NEMP2: variants seen among roughly 807,000 people sequenced by gnomAD.
NEMP2 encodes UPF0571 transmembrane protein.
Under a neutral mutation model 54.2 loss-of-function variants are expected in NEMP2, and 53 were observed. The ratio of observed to expected loss-of-function variants is 0.98; its 90% CI spans 0.78 to 1.23. The LOEUF is 1.23. NEMP2 is among the 50% of genes most tolerant of loss of function. NEMP2 has a pLI of 0.00. For synonymous variants in NEMP2, 197 were observed against 190.3 expected (o/e 1.04, Z -0.29); for missense variants, 455 against 511.3 (o/e 0.89, Z 1.06).
At chr2:190,451,307 G>C in the NEMP2 span, among the ~76,000 whole-genome samples, 81 of 152,240 alleles carry the variant, frequency 5.3e-4, 1 homozygote, top group South Asian at 0.016. This position sits in a 1 kb window ranked among gnomAD's most constrained non-coding sequence, Gnocchi z 5.0. Context: ...TCATAGCATT[G>C]TCCTTAAGAT....
the NEMP2 span, among the ~76,000 whole-genome samples, chr2:190,478,712 A>G: frequency 9.9e-5 from 15 of 152,236 alleles, no homozygotes; most frequent in East Asian, 2.7e-3. Context: ...CCAAAGACCT[A>G]GTCTGGGGAA....
At chr2:190,524,825 A>G (rs988225045) in intron 2 of NEMP2, among the ~76,000 whole-genome samples, 3 of 152,206 alleles carry the variant, frequency 2.0e-5, no homozygotes, top group Non-Finnish European at 4.4e-5. Flanking sequence ...TAAGGTAGGT[A>G]CTCAATAAGT....
chr2:190,551,753 A>G, the NEMP2 span, among the ~76,000 whole-genome samples: 1 of 152,246 alleles, frequency 6.6e-6, no homozygotes, highest in Non-Finnish European at 1.5e-5. Context: ...GTGTCTTTCC[A>G]TAACTGTTAG....
upstream of NEMP2, among the ~76,000 whole-genome samples, chr2:190,539,703 ATTTCT>A (rs1407578963): frequency 6.6e-6 from 1 of 151,966 alleles, no homozygotes. This position sits in a 1 kb window ranked among gnomAD's most constrained non-coding sequence, Gnocchi z 4.1. Flanking sequence ...TGGTTTCTTG[ATTTCT>A]TTTTCAGATT....
At position 190,533,982 on chromosome 2, in the gene NEMP2, C is replaced by A. The variant is rs1051003459; in HGVS notation, c.97+577G>T. On this transcript the variant is annotated intron_variant, in intron 1 of 8. Coordinates refer to ENST00000409150, the MANE Select transcript of NEMP2 (RefSeq NM_001142645.2). This position sits in a 1 kb window ranked among gnomAD's most constrained non-coding sequence, Gnocchi z 4.3. ...GTGTGCCAGGCATTGTGCACACGAA[C>A]ACCACAAGAACCTTGTGAGGCCTCA... 1.5e-5 allele frequency: 15 copies of A among 985,292 alleles called. No individual in the cohort carries two copies. Among genetic ancestry groups the A allele is most frequent in the Non-Finnish European group, 1.8e-5 (15 of 829,912 alleles). The allele number at this position is 985,292 out of a possible 1,614,324, so 61.0% of individuals were successfully genotyped here.
At chr2:190,437,353 C>T in the NEMP2 span, 4 of 1,614,266 alleles carry the variant, frequency 2.5e-6, no homozygotes, top group South Asian at 2.2e-5. The surrounding 1 kb of genome is among the most constrained non-coding windows in gnomAD (Gnocchi z 5.9). Flanking sequence ...AATCAAGCTG[C>T]TCTGCAGCGT....
chr2:190,510,239 ACATCATCTGTTATC>A lies in NEMP2; in HGVS notation c.1130+108_1130+121del, dbSNP rs1242753485. The A allele has an allele frequency of 8.4e-7, 1 of 1,191,602 alleles. No homozygotes were observed. Among genetic ancestry groups the A allele is most frequent in the Non-Finnish European group, 1.2e-6 (1 of 861,180 alleles). 73.8% of individuals were successfully genotyped at this position (1,191,602 alleles called of 1,614,324 possible). ...AGAAAAGGGACCTCTGACAACTTCC[ACATCATCTGTTATC>A]CAGGGAAACAGTCTATTTCTACCCT... On this transcript the variant is annotated intron_variant, in intron 8 of 8. Transcript: ENST00000409150. This position sits in a 1 kb window ranked among gnomAD's most constrained non-coding sequence, Gnocchi z 5.7.
Position 190,534,598 on chromosome 2 carries a change from G to A in NEMP2, c.58C>T (p.Leu20=). The A allele has an allele frequency of 1.4e-6, 2 of 1,396,736 alleles. No individual in the cohort carries two copies. Among genetic ancestry groups the A allele is most frequent in the Middle Eastern group, 2.3e-4 (1 of 4,392 alleles). The allele number at this position is 1,396,736 out of a possible 1,614,324, so 86.5% of individuals were successfully genotyped here. A position where few individuals can be genotyped will look rare whatever the true frequency, so the allele number is the denominator to read the frequency against. The change falls in exon 1 of 9, where the codon CTG becomes TTG. Residue 20 remains leucine, a synonymous_variant. Coordinates refer to ENST00000409150, the MANE Select transcript of NEMP2 (RefSeq NM_001142645.2). ...GCCGCCGCCTCCCCGCGCACGGGCA[G>A]TGTGGCCAGGGGCGGCAGCCAGAGC... ...LLLWLPPLAT[L]PVRGEAAAAA... is the part of the protein sequence containing the mutation.
chr2:190,435,135 T>G, the NEMP2 span, among the ~76,000 whole-genome samples: 1 of 152,210 alleles, frequency 6.6e-6, no homozygotes, highest in Admixed American at 6.5e-5. Flanking sequence ...GGTTGGGGAC[T>G]ACCATCGTAG....
chr2:190,636,023 G>GC, the NEMP2 span, among the ~76,000 whole-genome samples: 1 of 152,140 alleles, frequency 6.6e-6, no homozygotes, highest in East Asian at 1.9e-4. Flanking sequence ...GTGCCATCAT[G>GC]CCTGGTTAAG....
chr2:190,635,942 C>T, the NEMP2 span, among the ~76,000 whole-genome samples: 14 of 152,224 alleles, frequency 9.2e-5, no homozygotes, highest in Admixed American at 2.0e-4. The surrounding 1 kb of genome is among the most constrained non-coding windows in gnomAD (Gnocchi z 4.1). Context: ...TTATAGCTCA[C>T]GGCAGCCTTG....
chr2:190,553,047 TTC>T, the NEMP2 span, among the ~76,000 whole-genome samples: 1 of 151,734 alleles, frequency 6.6e-6, no homozygotes, highest in African/African-American at 2.4e-5. Flanking sequence ...AAATAACAAT[TTC>T]TTTTTTTTTT....
At chr2:190,642,408 T>C in the NEMP2 span, among the ~76,000 whole-genome samples, 22 of 152,214 alleles carry the variant, frequency 1.4e-4, no homozygotes, top group Non-Finnish European at 2.9e-4. The surrounding 1 kb of genome is among the most constrained non-coding windows in gnomAD (Gnocchi z 4.1). Flanking sequence ...TAAAATTCTA[T>C]AGTATCTTGT....
the NEMP2 span, among the ~76,000 whole-genome samples, chr2:190,559,377 A>T: frequency 2.6e-5 from 4 of 152,314 alleles, no homozygotes; most frequent in East Asian, 7.7e-4. This position sits in a 1 kb window ranked among gnomAD's most constrained non-coding sequence, Gnocchi z 4.0. Flanking sequence ...GGAGAGAAAG[A>T]TGAAAGATTC....
chr2:190,555,211 G>A, the NEMP2 span, among the ~76,000 whole-genome samples: 1 of 152,080 alleles, frequency 6.6e-6, no homozygotes, highest in Admixed American at 6.5e-5. This position sits in a 1 kb window ranked among gnomAD's most constrained non-coding sequence, Gnocchi z 4.8. Flanking sequence ...CAAAGATGGG[G>A]AAAAACCAGT....
the NEMP2 span, among the ~76,000 whole-genome samples, chr2:190,424,241 T>C: frequency 6.6e-6 from 1 of 152,118 alleles, no homozygotes; most frequent in Non-Finnish European, 1.5e-5. This position sits in a 1 kb window ranked among gnomAD's most constrained non-coding sequence, Gnocchi z 5.9. Context: ...TCTTCTTTTT[T>C]TTTTTTTCTA....
the NEMP2 span, among the ~76,000 whole-genome samples, chr2:190,473,644 T>C: frequency 6.6e-6 from 1 of 152,126 alleles, no homozygotes; most frequent in Non-Finnish European, 1.5e-5. Context: ...CACCCCACTG[T>C]CAACATTAGA....
upstream of NEMP2, chr2:190,534,730 G>C (rs957559168): frequency 2.7e-6 from 3 of 1,126,062 alleles, no homozygotes; most frequent in African/African-American, 4.8e-5. Flanking sequence ...AGTGGCGCGG[G>C]GGCTCAGAGA....
chr2:190,562,664 C>A, the NEMP2 span, among the ~76,000 whole-genome samples: 2 of 152,116 alleles, frequency 1.3e-5, no homozygotes, highest in African/African-American at 4.8e-5. This position sits in a 1 kb window ranked among gnomAD's most constrained non-coding sequence, Gnocchi z 5.0. Context: ...CTCTATGACT[C>A]TTTTTTGCCC....
Sources: gnomAD v4.1 joint callset for allele counts (sites outside exome capture counted in the v4.1 genomes callset) on GRCh38, gnomAD v4.1.1 for gene constraint, Gnocchi (gnomAD v3.1) non-coding constraint, MANE v1.5 for transcripts, NCBI Gene and HGNC (gene_info 2026-07-23, HGNC 2026-07-21) for gene names.